NRXN1: variants seen among roughly 807,000 people sequenced by gnomAD.
The protein encoded by NRXN1 is neurexin-1.
In NRXN1, 39 loss-of-function variants were observed where a neutral mutation model predicts 150.9. That is an observed-to-expected ratio of 0.26 (90% CI 0.20 to 0.34). The LOEUF is 0.34. Ranked by LOEUF, NRXN1 falls within the 10% of genes least tolerant of loss-of-function variation. The probability of loss-of-function intolerance (pLI) is 1.00; values close to 1 mark genes in which losing one functional copy is unlikely to be tolerated. For missense variants in NRXN1, 1,815 were observed against 1,949.9 expected (o/e 0.93, Z 1.30); for synonymous variants, 924 against 757.0 (o/e 1.22, Z -3.62).
At chr2:50,892,676 G>A (rs1254932380) in intron 5 of NRXN1, among the ~76,000 whole-genome samples, 1 of 152,110 alleles carries the variant, frequency 6.6e-6, no homozygotes, top group Non-Finnish European at 1.5e-5. Context: ...TATTGAGTCT[G>A]AGATACCTTG....
chr2:50,224,359 C>T (rs2064158309), intron 18 of NRXN1, among the ~76,000 whole-genome samples: 1 of 151,838 alleles, frequency 6.6e-6, no homozygotes, highest in South Asian at 2.1e-4. Flanking sequence ...AAATTCATAC[C>T]TCAATGAATT....
At chr2:50,596,863 C>CTTTTTTTTTTTTTTTTT (rs3053104) in intron 8 of NRXN1, among the ~76,000 whole-genome samples, 1 of 92,152 alleles carries the variant, frequency 1.1e-5, no homozygotes, top group Non-Finnish European at 2.0e-5. Flanking sequence ...ATTCCTAGGA[C>CTTTTTTTTTTTTTTTTT]TTTTTTTTTT....
chr2:50,539,525 A>G (rs766120917), intron 9 of NRXN1, among the ~76,000 whole-genome samples: 2 of 137,974 alleles, frequency 1.4e-5, no homozygotes, highest in Non-Finnish European at 3.0e-5. Flanking sequence ...GGAATCTATG[A>G]AAAAAAAAGA....
chr2:50,358,204 T>C (rs190618029), intron 17 of NRXN1, among the ~76,000 whole-genome samples: 3 of 152,112 alleles, frequency 2.0e-5, no homozygotes, highest in Non-Finnish European at 4.4e-5. Flanking sequence ...TCTACCCCAG[T>C]AGTGCCTCGA....
intron 21 of NRXN1, among the ~76,000 whole-genome samples, chr2:50,037,239 CT>C (rs201440410): frequency 2.0e-5 from 3 of 151,516 alleles, no homozygotes; most frequent in African/African-American, 2.4e-5. Flanking sequence ...CTCCTTTGTT[CT>C]TTTTTTTAAG....
chr2:50,748,105 A>G (rs567262676), intron 5 of NRXN1, among the ~76,000 whole-genome samples: 1 of 152,194 alleles, frequency 6.6e-6, no homozygotes, highest in East Asian at 1.9e-4. Flanking sequence ...CCACGTATAG[A>G]CGAAGAAACA....
intron 5 of NRXN1, among the ~76,000 whole-genome samples, chr2:50,899,082 CAG>C (rs1328084538): frequency 1.3e-5 from 2 of 152,166 alleles, no homozygotes; most frequent in East Asian, 1.9e-4. Context: ...AACTATTCAG[CAG>C]AGACATAAAT....
chr2:50,547,102 T>C (rs2093511693), intron 9 of NRXN1, among the ~76,000 whole-genome samples: 1 of 152,186 alleles, frequency 6.6e-6, no homozygotes, highest in Non-Finnish European at 1.5e-5. Context: ...GCCTTGTACC[T>C]TTCCCACTGT....
chr2:50,627,518 A>T (rs532718933), intron 5 of NRXN1, among the ~76,000 whole-genome samples: 6 of 151,520 alleles, frequency 4.0e-5, no homozygotes, highest in Non-Finnish European at 7.4e-5. Context: ...AGAAAAATGA[A>T]ATTGGATCTT....
chr2:50,531,002 C>T (rs1046899565), intron 11 of NRXN1, among the ~76,000 whole-genome samples: 1 of 151,824 alleles, frequency 6.6e-6, no homozygotes, highest in Non-Finnish European at 1.5e-5. Context: ...CTTTTAAGAA[C>T]CCTCAGTGGT....
chr2:50,028,149 C>T (rs1688650882), intron 21 of NRXN1, among the ~76,000 whole-genome samples: 1 of 152,090 alleles, frequency 6.6e-6, no homozygotes, highest in Non-Finnish European at 1.5e-5. Context: ...CTAGCCATAA[C>T]TGTAAGAAAA....
chr2:50,875,722 A>C, intron 5 of NRXN1, among the ~76,000 whole-genome samples: 1 of 151,848 alleles, frequency 6.6e-6, no homozygotes. Flanking sequence ...ATATCCAGGC[A>C]TAAAAGCCCC....
chr2:50,789,575 T>G (rs1180220115), intron 5 of NRXN1, among the ~76,000 whole-genome samples: 1 of 152,220 alleles, frequency 6.6e-6, no homozygotes, highest in East Asian at 1.9e-4. Flanking sequence ...GCAGCAATGT[T>G]AATGAACGGA....
intron 2 of NRXN1, among the ~76,000 whole-genome samples, chr2:50,988,743 T>A (rs1207372863): frequency 6.6e-6 from 1 of 151,972 alleles, no homozygotes; most frequent in Non-Finnish European, 1.5e-5. Context: ...AACACAGGCG[T>A]TAGCAGCTGC....
At chr2:50,996,727 A>T (rs989320835) in intron 2 of NRXN1, among the ~76,000 whole-genome samples, 5 of 151,760 alleles carry the variant, frequency 3.3e-5, no homozygotes, top group Non-Finnish European at 7.4e-5. Context: ...AATGCAGAAA[A>T]CTAGAAAATT....
chr2:50,595,698 T>C (rs1675086373), intron 8 of NRXN1, among the ~76,000 whole-genome samples: 1 of 152,182 alleles, frequency 6.6e-6, no homozygotes, highest in Non-Finnish European at 1.5e-5. Flanking sequence ...GCATATCACT[T>C]GTAATTCTGC....
chr2:51,027,139 G>A (rs1670619547), intron 2 of NRXN1, among the ~76,000 whole-genome samples: 1 of 152,180 alleles, frequency 6.6e-6, no homozygotes, highest in African/African-American at 2.4e-5. Flanking sequence ...ATTTAGAAGT[G>A]GTAGAGACAA....
intron 8 of NRXN1, among the ~76,000 whole-genome samples, chr2:50,596,566 A>G (rs1411619595): frequency 1.3e-5 from 2 of 152,218 alleles, no homozygotes; most frequent in Non-Finnish European, 1.5e-5. Flanking sequence ...TCTCTCCACT[A>G]TTCCACTGTG....
chr2:49,944,070 A>G lies in NRXN1; in HGVS notation c.4129-279T>C, dbSNP rs72885885. Among the ~76,000 whole-genome samples the G allele has an allele frequency of 5.8e-3, 878 of 152,350 alleles. 7 individuals are homozygous for G. Among genetic ancestry groups the G allele is most frequent in the African/African-American group, 0.02 (848 of 41,596 alleles). ...AATGCAGATAGAAGCTGCACACAGT[A>G]TCATACAGAGGTTTAAAACAACCTG... On this transcript the variant is annotated intron_variant, in intron 21 of 22. Transcript: ENST00000401669.
Sources: gnomAD v4.1 joint callset for allele counts (sites outside exome capture counted in the v4.1 genomes callset) on GRCh38, gnomAD v4.1.1 for gene constraint, MANE v1.5 for transcripts, NCBI Gene and HGNC (gene_info 2026-07-23, HGNC 2026-07-21) for gene names.